The following RILP variants were observed in gnomAD, a reference collection of about 807,000 sequenced individuals.
RILP encodes the protein Rab interacting lysosomal protein.
Under a neutral mutation model 40.0 loss-of-function variants are expected in RILP, and 53 were observed. The observed-to-expected ratio is 1.32, with a 90% CI of 1.06 to 1.66. The LOEUF is 1.66. Ranked by LOEUF, RILP falls within the 40% of genes most tolerant of loss-of-function variation. The pLI is 0.00. For synonymous variants in RILP, 272 were observed against 250.6 expected (o/e 1.09, Z -0.80); for missense variants, 626 against 551.7 (o/e 1.13, Z -1.35).
At chr17:1,647,060 G>T in intron 6 of RILP, 71 bp from the exon 7 acceptor site, 1 of 1,019,774 alleles carries the variant, frequency 9.8e-7, no homozygotes, top group Non-Finnish European at 1.4e-6. Context: ...AATCCAGCAG[G>T]GGGGATGGAG....
Sources: allele counts gnomAD v4.1 joint callset, GRCh38; gene constraint gnomAD v4.1.1; transcripts MANE v1.5; gene names NCBI Gene and HGNC (gene_info 2026-07-23, HGNC 2026-07-21).